Variants in PITPNM2 observed in about 807,000 individuals in gnomAD.
PITPNM2 encodes phosphatidylinositol transfer protein membrane associated 2, also known as membrane-associated phosphatidylinositol transfer protein 2.
Under a neutral mutation model 132.2 loss-of-function variants are expected in PITPNM2, and 35 were observed. The observed-to-expected ratio is 0.26, with a 90% CI of 0.20 to 0.35. The LOEUF (loss-of-function observed/expected upper bound fraction) is 0.35. Ranked by LOEUF, PITPNM2 falls within the 10% of genes least tolerant of loss-of-function variation. The pLI is 1.00. For missense variants in PITPNM2, 1,332 were observed against 1,912.0 expected, an observed-to-expected ratio of 0.70 and a Z score of 5.66; for synonymous variants, 738 against 799.2, an observed-to-expected ratio of 0.92 and a Z score of 1.29.
chr12:123,078,831 C>T lies in PITPNM2; in HGVS notation c.-96+31554G>A, dbSNP rs1290388124. ...TGTGCCAGCCTCACTGCTGCAGCTG[C>T]CCACGTCCCAGCTTCGATACTGGCT... On this transcript the variant is annotated intron_variant, in intron 2 of 25. Coordinates refer to ENST00000320201, the MANE Select transcript of PITPNM2 (RefSeq NM_020845.3). The surrounding 1 kb of genome is among the most constrained non-coding windows in gnomAD (Gnocchi z 7.3). Among the ~76,000 whole-genome samples, 1 of 152,214 alleles carries T rather than the reference C, an allele frequency of 6.6e-6. No individual in the cohort carries two copies. Among genetic ancestry groups the T allele is most frequent in the Non-Finnish European group, 1.5e-5 (1 of 68,030 alleles).
At chr12:122,988,628 G>A in intron 19 of PITPNM2, 96 bp downstream of exon 19, 1 of 1,300,644 alleles carries the variant, frequency 7.7e-7, no homozygotes, top group East Asian at 2.5e-5. Flanking sequence ...GATGGGGTTG[G>A]AGAGGAGTCC....
Position 123,078,682 on chromosome 12 carries a change from T to C in PITPNM2, c.-96+31703A>G, listed in dbSNP as rs532640603. ...GGCTCCGATGGCCCAGTGCCACCCA[T>C]GTGGGAAGCAGAGGAGAAGGGAGGC... On this transcript the variant is annotated intron_variant, in intron 2 of 25. Transcript: ENST00000320201. The surrounding 1 kb of genome is among the most constrained non-coding windows in gnomAD (Gnocchi z 7.3). Among the ~76,000 whole-genome samples the C allele has an allele frequency of 4.7e-3, 720 of 152,266 alleles. 3 individuals are homozygous for C. Among genetic ancestry groups the C allele is most frequent in the African/African-American group, 0.016 (651 of 41,568 alleles).
Position 122,985,199 on chromosome 12 carries a change from G to A in PITPNM2, c.*828C>T, listed in dbSNP as rs978142762. The A allele has an allele frequency of 1.3e-5, 2 of 152,476 alleles. No individual in the cohort carries two copies. The highest frequency in any genetic ancestry group is 4.8e-5 in the African/African-American group (2 of 41,440). The allele number at this position is 152,476 out of a possible 1,614,324, so 9.4% of individuals were successfully genotyped here. ...GAGTTAAGAAAAGGAAGCAGCCAAG[G>A]ATTGCTCGTTTAAAAAAACCTCATA... is the stretch of plus-strand genomic sequence containing the variant. On this transcript the variant is annotated 3_prime_UTR_variant, in exon 26 of 26. Transcript: ENST00000320201.
At chr12:123,080,917 G>A (rs370164952) in intron 2 of PITPNM2, among the ~76,000 whole-genome samples, 1 of 152,354 alleles carries the variant, frequency 6.6e-6, no homozygotes, top group African/African-American at 2.4e-5. Flanking sequence ...TGCAGCTGCC[G>A]TGACCTGCCA....
intron 1 of PITPNM2, among the ~76,000 whole-genome samples, chr12:123,144,990 A>G (rs943762391): frequency 6.6e-6 from 1 of 152,150 alleles, no homozygotes; most frequent in Non-Finnish European, 1.5e-5. Flanking sequence ...GTGTTCACTA[A>G]CTCAGTGTTT....
intron 1 of PITPNM2, among the ~76,000 whole-genome samples, chr12:123,132,520 CCTTTT>C (rs1230381613): frequency 7.3e-6 from 1 of 136,300 alleles, no homozygotes; most frequent in East Asian, 2.0e-4. Context: ...CTTTTCTTTC[CCTTTT>C]TTTTTTTTTA....
intron 1 of PITPNM2, among the ~76,000 whole-genome samples, chr12:123,116,859 C>T (rs2042945249): frequency 6.6e-6 from 1 of 152,174 alleles, no homozygotes; most frequent in Non-Finnish European, 1.5e-5. Flanking sequence ...TCTCACCAGC[C>T]ACAGGAGTGC....
chr12:123,107,489 G>A (rs1216041401), intron 2 of PITPNM2, among the ~76,000 whole-genome samples: 3 of 152,144 alleles, frequency 2.0e-5, no homozygotes, highest in African/African-American at 4.8e-5. Flanking sequence ...CTGGAAGGAA[G>A]GGCTCTGGAT....
chr12:122,989,819 G>A lies in PITPNM2; in HGVS notation c.2699C>T (p.Ala900Val). Residue 900 changes from alanine to valine, a missense_variant, in exon 18 of 26, where the codon GCC (alanine) becomes GTC (valine). Physicochemically the swap from Ala to Val is moderately conservative, Grantham distance 64 (BLOSUM62 0). Coordinates refer to ENST00000320201, the MANE Select transcript of PITPNM2 (RefSeq NM_020845.3). ...AATGTCCAGCTCAGGGAGGCCAGGGGCCCTCTCCAGGCCAGGGCTTGCCTT... is the reference window on the plus strand; with the variant it reads ...AATGTCCAGCTCAGGGAGGCCAGGGACCCTCTCCAGGCCAGGGCTTGCCTT... ...ARKASPGLER[A>V]PGLPELDIGE... 1 of 1,387,940 alleles carries A rather than the reference G, an allele frequency of 7.2e-7. No homozygotes were observed. Among genetic ancestry groups the A allele is most frequent in the Non-Finnish European group, 9.4e-7 (1 of 1,066,506 alleles). 86.0% of individuals were successfully genotyped at this position (1,387,940 alleles called of 1,614,324 possible). A position where few individuals can be genotyped will look rare whatever the true frequency, so the allele number is the denominator to read the frequency against.
At chr12:123,121,667 T>A (rs1163889554) in intron 1 of PITPNM2, among the ~76,000 whole-genome samples, 15 of 151,874 alleles carry the variant, frequency 9.9e-5, no homozygotes, top group Non-Finnish European at 1.5e-5. Context: ...TGCCTCAGCC[T>A]CCTGAGTAGG....
intron 4 of PITPNM2, among the ~76,000 whole-genome samples, 185 bp downstream of exon 4, chr12:123,013,643 T>G (rs1442794113): frequency 6.6e-6 from 1 of 152,220 alleles, no homozygotes; most frequent in Non-Finnish European, 1.5e-5. Context: ...CTTCCCTCTC[T>G]TGCCTGTGCC....
chr12:122,988,397 G>A, intron 19 of PITPNM2, 47 bp from the exon 20 acceptor site: 8 of 1,535,072 alleles, frequency 5.2e-6, no homozygotes, highest in South Asian at 2.2e-5. Flanking sequence ...GCCACCCGGG[G>A]GCTTCCTGCC....
intron 3 of PITPNM2, among the ~76,000 whole-genome samples, chr12:123,017,160 C>T (rs1041259811): frequency 9.2e-5 from 14 of 151,798 alleles, no homozygotes; most frequent in Non-Finnish European, 1.6e-4. Context: ...CACTTGAAGT[C>T]GGGAGTTCGA....
Position 123,037,888 on chromosome 12 carries a change from C to G in PITPNM2, c.-95-3203G>C, listed in dbSNP as rs557279342. Among the ~76,000 whole-genome samples the G allele has an allele frequency of 2.6e-5, 4 of 152,368 alleles. No homozygotes were observed. The South Asian group carries it at 8.3e-4, about 32-fold the overall frequency. The stretch of plus-strand genomic sequence containing the variant: ...GTGAGCACATGTCTGGAACAGATAC[C>G]TAATGATGTTCCCCCACGGACAAGC... On this transcript the variant is annotated intron_variant, in intron 2 of 25. Coordinates refer to ENST00000320201, the MANE Select transcript of PITPNM2 (RefSeq NM_020845.3).
chr12:122,985,849 C>G lies in PITPNM2; in HGVS notation c.*178G>C. On this transcript the variant is annotated 3_prime_UTR_variant, in exon 26 of 26. Transcript: ENST00000320201. ...AGCTTCCATGACAAGCCGGACCCGT[C>G]AGGCCCGAGGACGTGAGGCAGGGCA... 1 of 555,742 alleles carries G rather than the reference C, an allele frequency of 1.8e-6. No homozygotes were observed. Among genetic ancestry groups the G allele is most frequent in the South Asian group, 4.5e-5 (1 of 22,450 alleles). The allele number at this position is 555,742 out of a possible 1,614,324, so 34.4% of individuals were successfully genotyped here.
rs565251126 is a variant in PITPNM2, at chr12:122,984,420, C to A, written c.*1607G>T. ...TATTGCACTTTCACTGCAACAGTTACATGAAAACTTGGTCCATAAAATAAT... is the reference window on the plus strand; with the variant it reads ...TATTGCACTTTCACTGCAACAGTTAAATGAAAACTTGGTCCATAAAATAAT... On this transcript the variant is annotated 3_prime_UTR_variant, in exon 26 of 26. Coordinates refer to ENST00000320201, the MANE Select transcript of PITPNM2 (RefSeq NM_020845.3). The A allele has an allele frequency of 6.5e-6, 1 of 152,766 alleles. No individual in the cohort carries two copies. The highest frequency in any genetic ancestry group is 2.1e-4 in the South Asian group (1 of 4,836). 9.5% of individuals were successfully genotyped at this position (152,766 alleles called of 1,614,324 possible).
intron 2 of PITPNM2, chr12:123,081,418 T>TC (rs922166216): frequency 6.0e-5 from 9 of 150,458 alleles, no homozygotes; most frequent in East Asian, 1.9e-4. Context: ...TTGGAATAGG[T>TC]CCCCCCCCAC....
intron 2 of PITPNM2, among the ~76,000 whole-genome samples, chr12:123,041,388 G>A (rs1592967050): frequency 6.6e-6 from 1 of 152,126 alleles, no homozygotes. Context: ...CCTGAAGGAG[G>A]AGCAGCCCTG....
At chr12:122,989,487 G>C (rs567258429) in intron 18 of PITPNM2, among the ~76,000 whole-genome samples, 1 of 152,170 alleles carries the variant, frequency 6.6e-6, no homozygotes, top group Non-Finnish European at 1.5e-5. Context: ...GTCCGCAGGA[G>C]AGGCCCAGCA....
Sources: allele counts gnomAD v4.1 joint callset (sites outside exome capture counted in the v4.1 genomes callset), GRCh38; gene constraint gnomAD v4.1.1; non-coding constraint Gnocchi (gnomAD v3.1); transcripts MANE v1.5; gene names NCBI Gene and HGNC (gene_info 2026-07-23, HGNC 2026-07-21).